The following NUP37 variants were observed in gnomAD, a reference collection of about 807,000 sequenced individuals.
The protein encoded by NUP37 is nucleoporin 37.
A neutral mutation model predicts 45.4 loss-of-function variants in NUP37; 33 were observed. That is an observed-to-expected ratio of 0.73 (90% CI 0.55 to 0.97). The LOEUF is 0.97. Ranked by LOEUF, NUP37 falls within the 50% of genes least tolerant of loss-of-function variation. The probability of loss-of-function intolerance (pLI) is 0.00; values close to 1 mark genes in which losing one functional copy is unlikely to be tolerated. For synonymous variants in NUP37, 127 were observed against 130.7 expected, an observed-to-expected ratio of 0.97 and a Z score of 0.19; for missense variants, 365 against 389.7, an observed-to-expected ratio of 0.94 and a Z score of 0.53.
rs779651428 is a variant in NUP37 at position 102,101,053 on chromosome 12, A to C, written c.333T>G (p.Leu111=). The C allele has an allele frequency of 1.9e-6, 3 of 1,555,324 alleles. No homozygotes were observed. The highest frequency in any genetic ancestry group is 2.6e-6 in the Non-Finnish European group (3 of 1,144,092). The stretch of plus-strand genomic sequence containing the variant: ...ATACCTTATATTCATTTTTATCCTG[A>C]AGATCTGAAGTAAATAATCTAATTT... ...DMKIRLFTSD[L]QDKNEYKVLE... The change falls in exon 4 of 10, where the codon CTT becomes CTG. Residue 111 remains leucine (L), a synonymous_variant. Coordinates refer to ENST00000552283, the MANE Select transcript of NUP37 (RefSeq NM_024057.4).
At chr12:102,100,960 A>AG in intron 4 of NUP37, 72 bp downstream of exon 4, 1 of 863,900 alleles carries the variant, frequency 1.2e-6, no homozygotes, top group Non-Finnish European at 1.8e-6. Context: ...ATTGGAATAA[A>AG]TCCAATTAAA....
At chr12:102,076,725 C>G (rs866820028) in intron 8 of NUP37, 72 bp downstream of exon 8, 2 of 1,283,370 alleles carry the variant, frequency 1.6e-6, no homozygotes, top group African/African-American at 3.0e-5. Context: ...AAGAGAACTA[C>G]AAAAGTATCC....
At chr12:102,107,923 G>C (rs921181255) in intron 3 of NUP37, among the ~76,000 whole-genome samples, 1 of 152,190 alleles carries the variant, frequency 6.6e-6, no homozygotes, top group African/African-American at 2.4e-5. Context: ...AGGCTGATTG[G>C]AGAGGGGCAC....
chr12:102,084,253 G>A (rs889343514), intron 6 of NUP37, among the ~76,000 whole-genome samples: 3 of 152,198 alleles, frequency 2.0e-5, no homozygotes, highest in Admixed American at 6.5e-5. Flanking sequence ...ATGAAATGCT[G>A]ACTATAGGCC....
chr12:102,085,792 A>AC lies in NUP37; in HGVS notation c.513dup (p.Cys172ValfsTer5), dbSNP rs1400907864. 1 of 1,593,316 alleles carries AC rather than the reference A, an allele frequency of 6.3e-7. No homozygotes were observed. The highest frequency in any genetic ancestry group is 2.2e-5 in the East Asian group (1 of 44,630). On this transcript the variant is annotated frameshift_variant, in exon 6 of 10. Transcript: ENST00000552283. LOFTEE classifies it high-confidence loss of function. ...TTAAAAGTCTCCTCAGGATGCCAGCACACACTCATGCCAGGAGAATGAAGA... is the reference window on the plus strand; with the variant it reads ...TTAAAAGTCTCCTCAGGATGCCAGCACCACACTCATGCCAGGAGAATGAAGA...
rs192125500 is a variant in NUP37, at chr12:102,095,441, T to C, written c.449+3665A>G. ...TGTGTATATATGTGTGCATATATTT[T>C]TATATATACATGTATATGCATGTGA... On this transcript the variant is annotated intron_variant, in intron 5 of 9. Coordinates refer to ENST00000552283, the MANE Select transcript of NUP37 (RefSeq NM_024057.4). Among the ~76,000 whole-genome samples, 718 of 152,194 alleles carry C rather than the reference T, an allele frequency of 4.7e-3. 5 individuals are homozygous for C. The highest frequency in any genetic ancestry group is 3.8e-3 in the Non-Finnish European group (255 of 67,926).
chr12:102,100,864 T>C (rs966435328), intron 4 of NUP37, among the ~76,000 whole-genome samples, 168 bp downstream of exon 4: 1 of 152,190 alleles, frequency 6.6e-6, no homozygotes, highest in Non-Finnish European at 1.5e-5. Flanking sequence ...CTTAATAATA[T>C]AGTAAGCTAG....
chr12:102,077,612 T>C (rs1053079438), intron 6 of NUP37, 109 bp from the exon 7 acceptor site: 13 of 1,094,806 alleles, frequency 1.2e-5, no homozygotes, highest in African/African-American at 4.8e-5. Context: ...ATTTGCAATA[T>C]ACAGGTTCAG....
intron 5 of NUP37, among the ~76,000 whole-genome samples, 181 bp downstream of exon 5, chr12:102,098,925 G>A (rs1481148745): frequency 1.3e-5 from 2 of 152,048 alleles, no homozygotes; most frequent in Non-Finnish European, 2.9e-5. Flanking sequence ...ATGGTGATGA[G>A]GACTATCTCA....
chr12:102,086,563 C>G (rs1438981263), intron 5 of NUP37, among the ~76,000 whole-genome samples: 1 of 152,232 alleles, frequency 6.6e-6, no homozygotes, highest in Admixed American at 6.5e-5. Context: ...CCAGGTTACT[C>G]ACCAACATGG....
At chr12:102,093,211 A>G (rs1353462267) in intron 5 of NUP37, among the ~76,000 whole-genome samples, 1 of 152,100 alleles carries the variant, frequency 6.6e-6, no homozygotes, top group Non-Finnish European at 1.5e-5. Flanking sequence ...GAACACTAAT[A>G]AACTACACCA....
intron 5 of NUP37, among the ~76,000 whole-genome samples, chr12:102,090,910 C>T (rs1343256293): frequency 3.9e-5 from 6 of 152,142 alleles, no homozygotes; most frequent in Admixed American, 1.3e-4. Context: ...AGTTTACTGA[C>T]TTTTTGTTAT....
intron 8 of NUP37, among the ~76,000 whole-genome samples, chr12:102,076,511 G>GCA (rs1321345520): frequency 6.6e-6 from 1 of 152,136 alleles, no homozygotes; most frequent in Admixed American, 6.5e-5. Flanking sequence ...ATCCTTAACA[G>GCA]CACAGAACAA....
intron 9 of NUP37, 119 bp downstream of exon 9, chr12:102,074,882 A>G (rs11111150): frequency 0.16 from 85,547 of 526,862 alleles, 7,463 homozygotes; most frequent in Non-Finnish European, 0.17. Flanking sequence ...ATTTAAGCAG[A>G]TAACAAACGT....
chr12:102,082,369 G>C (rs568550299), intron 6 of NUP37, among the ~76,000 whole-genome samples: 2 of 151,986 alleles, frequency 1.3e-5, no homozygotes, highest in Admixed American at 1.3e-4. Flanking sequence ...TAACAATTCT[G>C]GGCTTGCAGA....
intron 5 of NUP37, among the ~76,000 whole-genome samples, chr12:102,098,678 C>T (rs114578921): frequency 0.013 from 1,937 of 152,054 alleles, 48 homozygotes; most frequent in African/African-American, 0.044. Flanking sequence ...ATCACAAGTG[C>T]GCACTACCGT....
chr12:102,116,118 TA>T (rs1311461857), intron 2 of NUP37, among the ~76,000 whole-genome samples: 1 of 152,214 alleles, frequency 6.6e-6, no homozygotes, highest in Non-Finnish European at 1.5e-5. Flanking sequence ...CCATAAACTA[TA>T]ACAGAACACA....
chr12:102,102,906 T>C (rs1204237485), intron 3 of NUP37, among the ~76,000 whole-genome samples: 1 of 152,218 alleles, frequency 6.6e-6, no homozygotes, highest in Non-Finnish European at 1.5e-5. Context: ...CGATTGACCA[T>C]AAATGCATGA....
rs537410625 is a variant in NUP37, at chr12:102,092,180, C to A, written c.450-6324G>T. On this transcript the variant is annotated intron_variant, in intron 5 of 9. Coordinates refer to ENST00000552283, the MANE Select transcript of NUP37 (RefSeq NM_024057.4). ...GCAGCTCATTGTTTGCTAGGAAATTCATCGCAGAAGGGAATTTCTACTACC... is the reference window on the plus strand; with the variant it reads ...GCAGCTCATTGTTTGCTAGGAAATTAATCGCAGAAGGGAATTTCTACTACC... 1.4e-4 allele frequency among the ~76,000 whole-genome samples: 21 copies of A among 152,308 alleles called. No homozygotes were observed. In the Middle Eastern group the frequency reaches 0.014, roughly 99 times the overall value.
Sources: allele counts gnomAD v4.1 joint callset (sites outside exome capture counted in the v4.1 genomes callset), GRCh38; gene constraint gnomAD v4.1.1; transcripts MANE v1.5; gene names NCBI Gene and HGNC (gene_info 2026-07-23, HGNC 2026-07-21).